CYBB: variants seen among roughly 807,000 people sequenced by gnomAD.
The protein encoded by CYBB is NADPH oxidase 2.
Under a neutral mutation model 46.5 loss-of-function variants are expected in CYBB, and 5 were observed. The ratio of observed to expected loss-of-function variants is 0.11; its 90% CI spans 0.06 to 0.23. CYBB has a LOEUF of 0.23. CYBB is among the 10% of genes least tolerant of loss of function. CYBB has a pLI of 1.00. For missense variants in CYBB, 307 were observed against 428.3 expected (o/e 0.72, Z 2.50); for synonymous variants, 183 against 156.7 (o/e 1.17, Z -1.26).
chrX:37,804,382 G>A (rs1234354595), intron 9 of CYBB, among the ~76,000 whole-genome samples: 2 of 111,467 alleles, frequency 1.8e-5, no homozygotes, highest in Non-Finnish European at 3.8e-5. Flanking sequence ...AAATATGTAA[G>A]GGTCAAGGCC....
At position 37,795,890 on chromosome X, in the gene CYBB, A is replaced by ATG. The variant is rs57325016; in HGVS notation, c.484-15_484-14dup. On this transcript the variant is annotated intron_variant, in intron 5 of 12. Coordinates refer to ENST00000378588, the MANE Select transcript of CYBB (RefSeq NM_000397.4). ...AACCTATAATATTGTGCTTGCGCAC[A>ATG]TGTGTGTGTGTGTGTGTGTGTGTGT... The ATG allele has an allele frequency of 0.11, 61,391 of 554,261 alleles. 1,368 individuals carry two copies. Among genetic ancestry groups the ATG allele is most frequent in the Non-Finnish European group, 0.13 (42,771 of 339,559 alleles). 45.7% of individuals were successfully genotyped at this position (554,261 alleles called of 1,213,427 possible). A position where few individuals can be genotyped will look rare whatever the true frequency, so the allele number is the denominator to read the frequency against.
intron 11 of CYBB, among the ~76,000 whole-genome samples, chrX:37,809,279 C>T (rs918043140): frequency 8.9e-6 from 1 of 112,238 alleles, no homozygotes; most frequent in African/African-American, 3.2e-5. Flanking sequence ...AACCCTTCCC[C>T]TATTCTTCCA....
intron 4 of CYBB, 66 bp downstream of exon 4, chrX:37,792,125 G>A: frequency 1.4e-6 from 1 of 705,447 alleles, no homozygotes; most frequent in Non-Finnish European, 2.3e-6. Context: ...TTTTTATATA[G>A]GAGATCAACC....
rs782353073 is a variant in CYBB at position 37,805,173 on chromosome X, G to A, written c.1314+5G>A. 8.3e-7 allele frequency: 1 copy of A among 1,208,281 alleles called. No individual in the cohort carries two copies. Among genetic ancestry groups the A allele is most frequent in the East Asian group, 3.0e-5 (1 of 33,731 alleles). ...ACCAATCTGAAGCTCAAAAAGGTAA[G>A]TCCTTTCATTTATCGGAGGGCCTTA... On this transcript the variant is annotated splice_donor_5th_base_variant and intron_variant, in intron 10 of 12. Coordinates refer to ENST00000378588, the MANE Select transcript of CYBB (RefSeq NM_000397.4).
Position 37,783,582 on chromosome X carries a change from C to A in CYBB, c.234C>A (p.Phe78Leu). ...LLPVCRNLLS[F>L]LRGSSACCST... The stretch of plus-strand genomic sequence containing the variant: ...CAGTCTGTCGAAATCTGCTGTCCTT[C>A]CTCAGGGGTTCCAGTGCGGTAAGAG... The change falls in exon 3 of 13, where the codon TTC (phenylalanine) becomes TTA (leucine). Residue 78 changes from phenylalanine (F) to leucine (L), a missense_variant. Phe to Leu is a conservative substitution (Grantham distance 22, BLOSUM62 0). Around this residue, in one of 3 missense-constraint regions of CYBB, gnomAD observed 103 missense variants for 150.2 expected, o/e 0.69. Coordinates refer to ENST00000378588, the MANE Select transcript of CYBB (RefSeq NM_000397.4). The A allele has an allele frequency of 3.3e-6, 4 of 1,194,872 alleles. No individual in the cohort carries two copies. Among genetic ancestry groups the A allele is most frequent in the Non-Finnish European group, 4.5e-6 (4 of 880,054 alleles).
At chrX:37,783,759 G>A (rs1929003835) in intron 3 of CYBB, among the ~76,000 whole-genome samples, 159 bp downstream of exon 3, 1 of 109,931 alleles carries the variant, frequency 9.1e-6, no homozygotes, top group Admixed American at 9.9e-5. Flanking sequence ...GTGCTATTTG[G>A]GGATGGAGCT....
At chrX:37,804,702 CAT>C (rs782475909) in intron 9 of CYBB, among the ~76,000 whole-genome samples, 5 of 106,655 alleles carry the variant, frequency 4.7e-5, no homozygotes, top group African/African-American at 1.7e-4. Context: ...CCTGGCAAGA[CAT>C]AGGGTGTGTG....
chrX:37,793,527 C>G (rs1929239387), intron 4 of CYBB, 138 bp from the exon 5 acceptor site: 1 of 624,701 alleles, frequency 1.6e-6, no homozygotes, highest in Non-Finnish European at 2.6e-6. Flanking sequence ...AGACCCAGTT[C>G]TTGTCTATAA....
chrX:37,787,462 A>C (rs1408372518), intron 3 of CYBB, among the ~76,000 whole-genome samples: 1 of 111,901 alleles, frequency 8.9e-6, no homozygotes, highest in Non-Finnish European at 1.9e-5. Flanking sequence ...ACTCAGTTTC[A>C]ATAGAGCATA....
rs1929429044 is a variant in CYBB at position 37,801,124 on chromosome X, T to C, written c.805-132T>C. The C allele has an allele frequency of 7.7e-6, 4 of 521,245 alleles. No individual in the cohort carries two copies. The Admixed American group carries it at 1.0e-4, about 14-fold the overall frequency. 43.0% of individuals were successfully genotyped at this position (521,245 alleles called of 1,213,427 possible). On this transcript the variant is annotated intron_variant, in intron 7 of 12. Transcript: ENST00000378588. The stretch of plus-strand genomic sequence containing the variant: ...CATATATTCCATTGTAGAAGAAATT[T>C]ATTTATCTAATGTCAAATATTTAAG...
intron 10 of CYBB, 104 bp downstream of exon 10, chrX:37,805,272 G>GCTTTTCTTCACTTCCCA: frequency 3.7e-6 from 3 of 816,103 alleles, no homozygotes; most frequent in Non-Finnish European, 5.4e-6. Context: ...ACCATGGGAA[G>GCTTTTCTTCACTTCCCA]TGAAGAAAAG....
intron 3 of CYBB, among the ~76,000 whole-genome samples, chrX:37,789,459 C>CAAAGAAAGAAAGAAGGAAAG (rs1238080649): frequency 1.3e-4 from 9 of 71,703 alleles, no homozygotes; most frequent in African/African-American, 4.8e-4. Context: ...TTTAAGAAGC[C>CAAAGAAAGAAAGAAGGAAAG]AAAGAAAGAA....
chrX:37,804,941 G>A (rs1348792079), intron 9 of CYBB, 65 bp from the exon 10 acceptor site: 1 of 1,063,821 alleles, frequency 9.4e-7, no homozygotes, highest in Non-Finnish European at 1.3e-6. Flanking sequence ...AATAATTATG[G>A]GTGCCCCATC....
At chrX:37,785,202 G>A (rs188551899) in intron 3 of CYBB, among the ~76,000 whole-genome samples, 9 of 93,303 alleles carry the variant, frequency 9.6e-5, no homozygotes, top group Admixed American at 7.5e-4. Flanking sequence ...TTACACCTTC[G>A]CTTCCTCAGA....
intron 3 of CYBB, among the ~76,000 whole-genome samples, chrX:37,786,025 A>G (rs1222549015): frequency 8.9e-6 from 1 of 112,134 alleles, no homozygotes; most frequent in African/African-American, 3.2e-5. Context: ...ATAACTACAT[A>G]GATCTTTATA....
intron 12 of CYBB, 116 bp from the exon 13 acceptor site, chrX:37,810,675 A>G: frequency 1.4e-6 from 1 of 736,951 alleles, no homozygotes. Flanking sequence ...TGGAAAAGAA[A>G]AAGGAGCAGA....
intron 8 of CYBB, among the ~76,000 whole-genome samples, chrX:37,802,576 C>T (rs782665426): frequency 1.8e-5 from 2 of 111,654 alleles, no homozygotes; most frequent in Non-Finnish European, 3.8e-5. Flanking sequence ...AAAATTGCAA[C>T]ATGGTAAACA....
At chrX:37,805,246 G>C in intron 10 of CYBB, 78 bp downstream of exon 10, 1 of 1,029,230 alleles carries the variant, frequency 9.7e-7, no homozygotes, top group Non-Finnish European at 1.4e-6. Flanking sequence ...TGCTTTCAGG[G>C]CTAAGGTTGG....
chrX:37,784,124 C>T (rs1043053115), intron 3 of CYBB, among the ~76,000 whole-genome samples: 1 of 111,308 alleles, frequency 9.0e-6, no homozygotes, highest in Non-Finnish European at 1.9e-5. Context: ...TTGACTCTCA[C>T]TCCAACAATT....
Sources: allele counts gnomAD v4.1 joint callset (sites outside exome capture counted in the v4.1 genomes callset), GRCh38; gene constraint gnomAD v4.1.1; regional missense constraint gnomAD v4.1.1; transcripts MANE v1.5; gene names NCBI Gene and HGNC (gene_info 2026-07-23, HGNC 2026-07-21).